The following RIPOR2 variants were observed in gnomAD, a reference collection of about 807,000 sequenced individuals.
RIPOR2 encodes RHO family interacting cell polarization regulator 2.
RIPOR2 carries 39 observed loss-of-function variants against 114.5 expected under a neutral mutation model. That is an observed-to-expected ratio of 0.34 (90% CI 0.26 to 0.44). RIPOR2 has a LOEUF of 0.44. Ranked by LOEUF, RIPOR2 falls within the 20% of genes least tolerant of loss-of-function variation. The pLI, the probability that RIPOR2 is intolerant of heterozygous loss-of-function variation, is 1.00. For missense variants in RIPOR2, 1,007 were observed against 1,255.1 expected (o/e 0.80, Z 2.99); for synonymous variants, 445 against 484.4 (o/e 0.92, Z 1.07).
intron 1 of RIPOR2, among the ~76,000 whole-genome samples, chr6:25,028,714 T>C (rs1327814649): frequency 6.6e-6 from 1 of 152,258 alleles, no homozygotes; most frequent in African/African-American, 2.4e-5. Flanking sequence ...CAGATCCTTC[T>C]AGCTCCTCAG....
rs558469888 is a variant in RIPOR2, at chr6:24,857,815, A to C, written c.715+3158T>G. Among the ~76,000 whole-genome samples the C allele has an allele frequency of 2.6e-4, 40 of 152,322 alleles. No individual in the cohort carries two copies. In the South Asian group the frequency reaches 7.7e-3, roughly 29 times the overall value. On this transcript the variant is annotated intron_variant, in intron 8 of 21. Transcript: ENST00000643898. ...TAATTTGGAGAACTAGTTTGCTCTA[A>C]GGAACTACATCCCTTTACCTCCATC...
At chr6:24,981,769 T>C (rs1270322468) in intron 1 of RIPOR2, among the ~76,000 whole-genome samples, 1 of 152,240 alleles carries the variant, frequency 6.6e-6, no homozygotes, top group Non-Finnish European at 1.5e-5. Context: ...CACAGTGTTG[T>C]CATCTATGAA....
At chr6:24,900,408 T>C (rs1044478240) in intron 1 of RIPOR2, among the ~76,000 whole-genome samples, 1 of 152,246 alleles carries the variant, frequency 6.6e-6, no homozygotes, top group African/African-American at 2.4e-5. Context: ...TATTTAGTGA[T>C]AGCTATTACT....
At chr6:25,041,776 G>A in intron 1 of RIPOR2, 1 of 675,324 alleles carries the variant, frequency 1.5e-6, no homozygotes, top group South Asian at 1.6e-5. Flanking sequence ...TTTGCAGAGG[G>A]CAAGAAATGA....
chr6:25,007,697 C>T (rs543286282), intron 1 of RIPOR2, among the ~76,000 whole-genome samples: 2 of 152,050 alleles, frequency 1.3e-5, no homozygotes, highest in East Asian at 1.9e-4. Flanking sequence ...TCTTCCTTCT[C>T]GGTGATCTTA....
At chr6:24,993,512 C>T (rs773462721) in intron 1 of RIPOR2, among the ~76,000 whole-genome samples, 1 of 152,162 alleles carries the variant, frequency 6.6e-6, no homozygotes, top group East Asian at 1.9e-4. Context: ...GACAGCATAC[C>T]ATTGGGTCTT....
In RIPOR2 at chr6:24,953,206, G is replaced by A. The variant is rs1772862223; in HGVS notation, c.77-77389C>T. Among the ~76,000 whole-genome samples the A allele has an allele frequency of 2.0e-5, 3 of 152,150 alleles. No individual in the cohort carries two copies. In the South Asian group the frequency reaches 6.2e-4, roughly 32 times the overall value. On this transcript the variant is annotated intron_variant, in intron 1 of 13. Transcript: ENST00000510784. ...AAATTAGCCAGGCATGGTGGTGCAT[G>A]CCTGTAATCCCAGCTACTTGGGAGG...
At chr6:24,998,432 C>G (rs1287624109) in intron 1 of RIPOR2, among the ~76,000 whole-genome samples, 1 of 152,182 alleles carries the variant, frequency 6.6e-6, no homozygotes, top group East Asian at 1.9e-4. Context: ...AAGTTAATAG[C>G]AATCCCCCAA....
intron 1 of RIPOR2, among the ~76,000 whole-genome samples, chr6:25,018,436 A>AT (rs1366108556): frequency 6.6e-6 from 1 of 152,164 alleles, no homozygotes; most frequent in African/African-American, 2.4e-5. Context: ...AATAAATAAG[A>AT]TTTTATTATC....
intron 9 of RIPOR2, among the ~76,000 whole-genome samples, chr6:24,850,951 A>G (rs1302855678): frequency 1.3e-5 from 2 of 149,624 alleles, no homozygotes; most frequent in Non-Finnish European, 3.0e-5. Context: ...GCTGGAGTGC[A>G]ATGGTGTGAT....
Position 24,849,828 on chromosome 6 carries a change from G to C in RIPOR2, c.1008C>G (p.Ile336Met), listed in dbSNP as rs1762679091. Residue 336 changes from isoleucine to methionine, a missense_variant, in exon 11 of 22, where the codon ATC becomes ATG. Ile to Met is a conservative substitution (Grantham distance 10, BLOSUM62 1). Coordinates refer to ENST00000643898, the MANE Select transcript of RIPOR2 (RefSeq NM_001286445.3). Reference protein sequence around the residue: ...VAVDINDLGTIKLNLEITWYP... With the variant: ...VAVDINDLGTMKLNLEITWYP... ...ACCAGGTGATTTCCAGGTTCAGTTT[G>C]ATGGTACCAAGGTCATTGATGTCGA... 6.2e-7 allele frequency: 1 copy of C among 1,613,738 alleles called. No individual in the cohort carries two copies.
chr6:25,028,981 G>A (rs115114108), intron 1 of RIPOR2, among the ~76,000 whole-genome samples: 2,739 of 152,302 alleles, frequency 0.018, 29 homozygotes, highest in African/African-American at 0.024. Context: ...AGTGCTGGGA[G>A]AGGGTGCCCT....
At chr6:24,886,248 CT>C (rs1766826180) in intron 1 of RIPOR2, among the ~76,000 whole-genome samples, 1 of 152,174 alleles carries the variant, frequency 6.6e-6, no homozygotes, top group African/African-American at 2.4e-5. Flanking sequence ...TGCAAATTTA[CT>C]CTTAAATACT....
rs901448835 is a variant in RIPOR2, at chr6:24,825,395, T to A, written c.2699A>T (p.Asp900Val). The A allele has an allele frequency of 9.7e-6, 15 of 1,552,082 alleles. No individual in the cohort carries two copies. The African/African-American group carries it at 1.9e-4, about 20-fold the overall frequency. The change falls in exon 19 of 22, where the codon GAT (aspartate) becomes GTT (valine). Residue 900 changes from aspartate (D) to valine (V), a missense_variant. By Grantham distance (152) the Asp-to-Val change is radical. Transcript: ENST00000643898. Reference protein sequence around the residue: ...SMVQTLQSLRDEKLLQTMSDL... With the variant: ...SMVQTLQSLRVEKLLQTMSDL... ...ACTCATGGTTTGTAGCAGTTTTTCA[T>A]CTCTTAGTGATTGCAGAGTCTGAAC...
Position 24,828,055 on chromosome 6 carries a change from T to C in RIPOR2, c.2665+82A>G, listed in dbSNP as rs865799246. ...GGACTTGAAAAATAAAAGGCCATCATTGCCAAAAGCCATGATTTAAAAGAG... is the reference window on the plus strand; with the variant it reads ...GGACTTGAAAAATAAAAGGCCATCACTGCCAAAAGCCATGATTTAAAAGAG... On this transcript the variant is annotated intron_variant, in intron 18 of 21. Transcript: ENST00000643898. 1.1e-5 allele frequency: 14 copies of C among 1,261,222 alleles called. 1 individual carries two copies. The South Asian group carries it at 2.2e-4, about 20-fold the overall frequency. 78.1% of individuals were successfully genotyped at this position (1,261,222 alleles called of 1,614,324 possible).
At chr6:24,922,210 T>C (rs531994618) in intron 1 of RIPOR2, among the ~76,000 whole-genome samples, 219 of 152,304 alleles carry the variant, frequency 1.4e-3, no homozygotes, top group Non-Finnish European at 2.6e-3. Context: ...GGGAGACACA[T>C]CTTCTAATTA....
chr6:24,921,828 C>CTT (rs200445364), intron 1 of RIPOR2, among the ~76,000 whole-genome samples: 4 of 148,882 alleles, frequency 2.7e-5, no homozygotes, highest in East Asian at 1.9e-4. Flanking sequence ...TTCTTTCTTT[C>CTT]TTTCTTTTTT....
At chr6:24,921,003 A>G (rs1008786746) in intron 1 of RIPOR2, among the ~76,000 whole-genome samples, 4 of 152,194 alleles carry the variant, frequency 2.6e-5, no homozygotes, top group Admixed American at 2.6e-4. Context: ...TTTCCAAGAC[A>G]ACAGTCAGAA....
intron 1 of RIPOR2, chr6:24,932,114 C>T (rs1346901918): frequency 6.6e-6 from 1 of 152,192 alleles, no homozygotes; most frequent in East Asian, 1.9e-4. Flanking sequence ...CTGTCAAGAT[C>T]ACACAGTGAC....
Sources: allele counts gnomAD v4.1 joint callset (sites outside exome capture counted in the v4.1 genomes callset), GRCh38; gene constraint gnomAD v4.1.1; transcripts MANE v1.5; gene names NCBI Gene and HGNC (gene_info 2026-07-23, HGNC 2026-07-21).